The following CDC42SE2 variants were observed in gnomAD, a reference collection of about 807,000 sequenced individuals.
CDC42SE2 encodes the protein CDC42 small effector 2.
CDC42SE2 carries 3 observed loss-of-function variants against 11.5 expected under a neutral mutation model. The ratio of observed to expected loss-of-function variants is 0.26; its 90% CI spans 0.12 to 0.67. CDC42SE2 has a LOEUF of 0.67. CDC42SE2 is among the 30% of genes least tolerant of loss of function. CDC42SE2 has a pLI of 0.80. For synonymous variants in CDC42SE2, 33 were observed against 34.8 expected, an observed-to-expected ratio of 0.95 and a Z score of 0.18; for missense variants, 82 against 106.8, an observed-to-expected ratio of 0.77 and a Z score of 1.02.
At chr5:131,268,671 C>G (rs572912837) in intron 1 of CDC42SE2, among the ~76,000 whole-genome samples, 1 of 150,802 alleles carries the variant, frequency 6.6e-6, no homozygotes, top group South Asian at 2.1e-4. Context: ...AGGCTGGTCT[C>G]GAACTCCCGA....
the CDC42SE2 span, among the ~76,000 whole-genome samples, chr5:131,229,758 A>AC: frequency 6.6e-6 from 1 of 151,938 alleles, no homozygotes; most frequent in Non-Finnish European, 1.5e-5. Context: ...ACATGGGGAA[A>AC]CCCCATCTCT....
rs778362843 is a variant in CDC42SE2 at position 131,392,751 on chromosome 5, C to CTTTTA, written c.*1665_*1669dup. 25 of 152,434 alleles carry CTTTTA rather than the reference C, an allele frequency of 1.6e-4. No individual in the cohort carries two copies. The highest frequency in any genetic ancestry group is 1.1e-3 in the Admixed American group (17 of 15,298). 9.4% of individuals were successfully genotyped at this position (152,434 alleles called of 1,614,324 possible). A position where few individuals can be genotyped will look rare whatever the true frequency, so the allele number is the denominator to read the frequency against. The stretch of plus-strand genomic sequence containing the variant: ...CTGTTCGTTTCTTTGTGCACTCATT[C>CTTTTA]TTTTATTTTTACTTCTTTTTAATGT... On this transcript the variant is annotated 3_prime_UTR_variant, in exon 5 of 5. Transcript: ENST00000505065.
chr5:131,303,266 A>T (rs539817030), intron 1 of CDC42SE2, among the ~76,000 whole-genome samples: 1 of 152,334 alleles, frequency 6.6e-6, no homozygotes, highest in East Asian at 1.9e-4. Context: ...TTTGTCCCTG[A>T]CAGATCTGTA....
chr5:131,304,461 T>G (rs960185712), intron 1 of CDC42SE2, among the ~76,000 whole-genome samples: 4 of 152,220 alleles, frequency 2.6e-5, no homozygotes, highest in African/African-American at 4.8e-5. Flanking sequence ...TTTTCATGAA[T>G]TCTAAGCAGA....
intron 1 of CDC42SE2, among the ~76,000 whole-genome samples, chr5:131,291,667 A>G (rs906944371): frequency 3.9e-5 from 6 of 152,194 alleles, no homozygotes; most frequent in Non-Finnish European, 5.9e-5. Flanking sequence ...TTCAAAATAC[A>G]TGTAAGATCA....
intron 3 of CDC42SE2, among the ~76,000 whole-genome samples, chr5:131,369,049 A>G (rs1749941101): frequency 6.6e-6 from 1 of 152,174 alleles, no homozygotes; most frequent in East Asian, 1.9e-4. Context: ...GCCTGTTCCA[A>G]CACCTGGAGG....
At chr5:131,304,850 C>T (rs1757749794) in intron 1 of CDC42SE2, among the ~76,000 whole-genome samples, 1 of 152,090 alleles carries the variant, frequency 6.6e-6, no homozygotes, top group Non-Finnish European at 1.5e-5. Context: ...TTCATTTTAA[C>T]CAGGCTTGCT....
intron 1 of CDC42SE2, among the ~76,000 whole-genome samples, chr5:131,310,193 T>G (rs1378232261): frequency 6.6e-6 from 1 of 152,016 alleles, no homozygotes. Flanking sequence ...TCTGCCTTCA[T>G]TTTGTTATGT....
At chr5:131,224,068 A>G in the CDC42SE2 span, among the ~76,000 whole-genome samples, 1 of 152,106 alleles carries the variant, frequency 6.6e-6, no homozygotes, top group Non-Finnish European at 1.5e-5. Flanking sequence ...TATCTGGCTG[A>G]TTTGGCCTTT....
intron 1 of CDC42SE2, among the ~76,000 whole-genome samples, chr5:131,251,966 G>A (rs1022931137): frequency 3.3e-5 from 5 of 151,986 alleles, no homozygotes; most frequent in African/African-American, 1.2e-4. Flanking sequence ...AGTGAGCCAT[G>A]ATTGTGCCAC....
At chr5:131,289,761 C>A (rs1025942089) in intron 1 of CDC42SE2, among the ~76,000 whole-genome samples, 1 of 152,114 alleles carries the variant, frequency 6.6e-6, no homozygotes, top group Admixed American at 6.5e-5. Context: ...CCAGTCTCTC[C>A]CAATTGTCCT....
Position 131,392,334 on chromosome 5 carries a change from A to C in CDC42SE2, c.*1243A>C, listed in dbSNP as rs1048122350. Reference sequence around the variant, plus strand: ...TTTGTTTGAAACTTCAGCAGAATAGATATCTGCATGCTTTATGAAGTTGTT... The same window carrying C: ...TTTGTTTGAAACTTCAGCAGAATAGCTATCTGCATGCTTTATGAAGTTGTT... On this transcript the variant is annotated 3_prime_UTR_variant, in exon 5 of 5. Transcript: ENST00000505065. The C allele has an allele frequency of 6.5e-6, 1 of 152,728 alleles. No homozygotes were observed. The highest frequency in any genetic ancestry group is 2.1e-4 in the South Asian group (1 of 4,836). 9.5% of individuals were successfully genotyped at this position (152,728 alleles called of 1,614,324 possible).
intron 1 of CDC42SE2, among the ~76,000 whole-genome samples, chr5:131,312,351 GT>G (rs1290862967): frequency 3.9e-5 from 6 of 152,174 alleles, no homozygotes; most frequent in Non-Finnish European, 7.3e-5. Context: ...CTTCAAAGCT[GT>G]CAGACAGGGA....
At chr5:131,290,017 A>G (rs1471924432) in intron 1 of CDC42SE2, among the ~76,000 whole-genome samples, 1 of 151,716 alleles carries the variant, frequency 6.6e-6, no homozygotes, top group Non-Finnish European at 1.5e-5. Context: ...TAATTATTTT[A>G]TTTTACTTTT....
the CDC42SE2 span, among the ~76,000 whole-genome samples, chr5:131,223,379 TG>T: frequency 8.9e-3 from 1,351 of 152,188 alleles, 18 homozygotes; most frequent in African/African-American, 0.031. Context: ...GGAAGATGTC[TG>T]GGGGGGCACA....
At chr5:131,284,115 T>C (rs952629818) in intron 1 of CDC42SE2, among the ~76,000 whole-genome samples, 3 of 152,212 alleles carry the variant, frequency 2.0e-5, no homozygotes, top group African/African-American at 7.2e-5. Flanking sequence ...CTTTTGTAAT[T>C]GGCTTCTTTC....
At chr5:131,341,132 A>G (rs1441451341) in intron 2 of CDC42SE2, among the ~76,000 whole-genome samples, 2 of 152,328 alleles carry the variant, frequency 1.3e-5, no homozygotes, top group East Asian at 1.9e-4. Context: ...AATTTTCACA[A>G]TAGTCCCATG....
chr5:131,390,820 CCT>C (rs1491258677), intron 4 of CDC42SE2, among the ~76,000 whole-genome samples, 171 bp from the exon 5 acceptor site: 1 of 152,058 alleles, frequency 6.6e-6, no homozygotes, highest in Non-Finnish European at 1.5e-5. Context: ...TGCTAGCCTC[CCT>C]GTTTGTCCTT....
At chr5:131,334,642 A>T (rs1229041670) in intron 2 of CDC42SE2, among the ~76,000 whole-genome samples, 1 of 152,032 alleles carries the variant, frequency 6.6e-6, no homozygotes. Flanking sequence ...TCAATTTCAG[A>T]TCCTGTTATT....
Sources: gnomAD v4.1 joint callset for allele counts (sites outside exome capture counted in the v4.1 genomes callset) on GRCh38, gnomAD v4.1.1 for gene constraint, MANE v1.5 for transcripts, NCBI Gene and HGNC (gene_info 2026-07-23, HGNC 2026-07-21) for gene names.